The following CPQ variants were observed in gnomAD, a reference collection of about 807,000 sequenced individuals.
CPQ encodes the protein carboxypeptidase Q.
Under a neutral mutation model 45.7 loss-of-function variants are expected in CPQ, and 37 were observed. The ratio of observed to expected loss-of-function variants is 0.81; its 90% CI spans 0.62 to 1.07. The LOEUF (loss-of-function observed/expected upper bound fraction) is 1.07. Among genes scored for constraint, CPQ ranks in the 50% least tolerant of loss-of-function variants. The pLI, the probability that CPQ is intolerant of heterozygous loss-of-function variation, is 0.00. For missense variants in CPQ, 537 were observed against 572.9 expected (o/e 0.94, Z 0.64); for synonymous variants, 186 against 205.8 (o/e 0.90, Z 0.82).
rs1812189000 is a variant in CPQ, at chr8:97,142,771, A to T, written c.1256-249A>T. On this transcript the variant is annotated intron_variant, in intron 7 of 7. Transcript: ENST00000220763. ...ATCTGCCTTGAATGCAGCATTAGGGATATTTTCCCAACTCTTTGTCAACGA... is the reference window on the plus strand; with the variant it reads ...ATCTGCCTTGAATGCAGCATTAGGGTTATTTTCCCAACTCTTTGTCAACGA... Among the ~76,000 whole-genome samples the T allele has an allele frequency of 2.0e-5, 3 of 152,178 alleles. No individual in the cohort carries two copies. In the South Asian group the frequency reaches 6.2e-4, roughly 32 times the overall value.
chr8:96,819,775 T>C (rs1292032415), intron 2 of CPQ, among the ~76,000 whole-genome samples: 1 of 152,086 alleles, frequency 6.6e-6, no homozygotes, highest in East Asian at 1.9e-4. Flanking sequence ...ACAGGACCAC[T>C]TCCACCTCTT....
At chr8:96,713,558 C>G (rs1809640116) in intron 1 of CPQ, among the ~76,000 whole-genome samples, 1 of 152,122 alleles carries the variant, frequency 6.6e-6, no homozygotes, top group South Asian at 2.1e-4. Context: ...GAAAACCTCC[C>G]TAGAAAACCA....
intron 1 of CPQ, among the ~76,000 whole-genome samples, chr8:96,751,327 A>T (rs2130785722): frequency 6.6e-6 from 1 of 152,266 alleles, no homozygotes; most frequent in Non-Finnish European, 1.5e-5. Flanking sequence ...ATGAACCACC[A>T]TTCTGATTGC....
chr8:96,794,044 A>C (rs1017454041), intron 2 of CPQ, among the ~76,000 whole-genome samples: 1 of 151,992 alleles, frequency 6.6e-6, no homozygotes, highest in African/African-American at 2.4e-5. Context: ...CTGTTGGTGG[A>C]TCTATCATTC....
chr8:96,849,716 C>T (rs1811745769), intron 3 of CPQ, among the ~76,000 whole-genome samples: 1 of 152,180 alleles, frequency 6.6e-6, no homozygotes, highest in Admixed American at 6.5e-5. Context: ...TAGCTGATAA[C>T]ATCCTCACCC....
At chr8:97,130,024 T>C (rs780951534) in intron 7 of CPQ, among the ~76,000 whole-genome samples, 2 of 152,218 alleles carry the variant, frequency 1.3e-5, no homozygotes, top group Non-Finnish European at 2.9e-5. Flanking sequence ...TAAACGTAAC[T>C]GTGATCATTC....
rs139038973 is a variant in CPQ, at chr8:97,110,799, G to A, written c.1256-32221G>A. Among the ~76,000 whole-genome samples the A allele has an allele frequency of 4.9e-3, 739 of 152,208 alleles. 5 individuals carry two copies. Among genetic ancestry groups the A allele is most frequent in the African/African-American group, 0.017 (712 of 41,522 alleles). On this transcript the variant is annotated intron_variant, in intron 7 of 7. Transcript: ENST00000220763. ...AAAGCTCTAAATTTGTACAGAATAGGATAATATGGAATCCAGCGAAGGAGC... is the reference window on the plus strand; with the variant it reads ...AAAGCTCTAAATTTGTACAGAATAGAATAATATGGAATCCAGCGAAGGAGC...
intron 1 of CPQ, among the ~76,000 whole-genome samples, chr8:96,720,275 T>A (rs562200008): frequency 0.022 from 3,404 of 152,310 alleles, 143 homozygotes; most frequent in African/African-American, 0.077. Context: ...GATTACTTTT[T>A]TAAAAAAAAC....
chr8:96,847,893 C>CT (rs3036452), intron 3 of CPQ, among the ~76,000 whole-genome samples: 948 of 67,300 alleles, frequency 0.014, 19 homozygotes, highest in East Asian at 0.04. Context: ...ATGAAAAGAG[C>CT]TTTTTTTTTT....
intron 1 of CPQ, among the ~76,000 whole-genome samples, chr8:96,743,853 G>A (rs1245266184): frequency 2.0e-5 from 3 of 152,230 alleles, no homozygotes; most frequent in African/African-American, 7.2e-5. Flanking sequence ...CCAGCTGCGT[G>A]CTGGGAGAAC....
intron 4 of CPQ, among the ~76,000 whole-genome samples, chr8:96,895,105 A>G (rs1812427233): frequency 6.6e-6 from 1 of 152,102 alleles, no homozygotes; most frequent in Admixed American, 6.6e-5. Context: ...TGCAAAAATC[A>G]CTTTGCATCC....
At chr8:97,125,434 A>G (rs1811831552) in intron 7 of CPQ, among the ~76,000 whole-genome samples, 1 of 152,222 alleles carries the variant, frequency 6.6e-6, no homozygotes, top group Non-Finnish European at 1.5e-5. Flanking sequence ...ATATGGTAAG[A>G]AAACTATAGA....
chr8:96,940,953 G>A (rs1172802698), intron 4 of CPQ, among the ~76,000 whole-genome samples: 1 of 152,028 alleles, frequency 6.6e-6, no homozygotes, highest in Non-Finnish European at 1.5e-5. Context: ...CCCAAATCTT[G>A]GGAACTGGTG....
intron 7 of CPQ, among the ~76,000 whole-genome samples, chr8:97,113,603 G>T (rs1018103643): frequency 1.3e-5 from 2 of 152,068 alleles, no homozygotes; most frequent in African/African-American, 4.8e-5. Flanking sequence ...AAACCTCTGT[G>T]GTGCATTCCC....
chr8:97,090,028 T>C (rs1474700306), intron 7 of CPQ, among the ~76,000 whole-genome samples: 1 of 152,182 alleles, frequency 6.6e-6, no homozygotes, highest in Non-Finnish European at 1.5e-5. Context: ...AAACTACCTA[T>C]TGTAACCACC....
intron 4 of CPQ, among the ~76,000 whole-genome samples, chr8:96,901,755 C>T (rs1812514395): frequency 1.3e-5 from 2 of 152,140 alleles, no homozygotes; most frequent in Non-Finnish European, 2.9e-5. Flanking sequence ...TCTGTCATTT[C>T]ATAGCCATAG....
intron 7 of CPQ, among the ~76,000 whole-genome samples, chr8:97,096,141 A>G (rs1272417274): frequency 6.6e-6 from 1 of 152,124 alleles, no homozygotes; most frequent in Non-Finnish European, 1.5e-5. Flanking sequence ...AATGTTTTCC[A>G]TTATAATCTT....
intron 4 of CPQ, among the ~76,000 whole-genome samples, chr8:96,910,582 G>T (rs1812646811): frequency 1.3e-5 from 2 of 152,134 alleles, no homozygotes; most frequent in Admixed American, 6.5e-5. Context: ...TCAGCTCACT[G>T]CAAGCTCCGC....
rs143114649 is a variant in CPQ at position 96,965,658 on chromosome 8, C to T, written c.850-277C>T. Among the ~76,000 whole-genome samples, 403 of 152,100 alleles carry T rather than the reference C, an allele frequency of 2.6e-3. 2 individuals are homozygous for T. The highest frequency in any genetic ancestry group is 0.012 in the South Asian group (56 of 4,814). ...TGCTGGGATTAGAGGCGTGAGCCAC[C>T]GCACCCGGCCAAGCCAATTTCTTTA... On this transcript the variant is annotated intron_variant, in intron 4 of 7. Coordinates refer to ENST00000220763, the MANE Select transcript of CPQ (RefSeq NM_016134.4).
Sources: gnomAD v4.1 joint callset for allele counts (sites outside exome capture counted in the v4.1 genomes callset) on GRCh38, gnomAD v4.1.1 for gene constraint, MANE v1.5 for transcripts, NCBI Gene and HGNC (gene_info 2026-07-23, HGNC 2026-07-21) for gene names.